RORA: variants seen among roughly 807,000 people sequenced by gnomAD.
RORA encodes RAR related orphan receptor A, also known as nuclear receptor ROR-alpha.
In RORA, 7 loss-of-function variants were observed where a neutral mutation model predicts 69.5. The observed-to-expected ratio is 0.10, with a 90% CI of 0.06 to 0.19. RORA has a LOEUF of 0.19. RORA is among the 10% of genes least tolerant of loss of function. The pLI, the probability that RORA is intolerant of heterozygous loss-of-function variation, is 1.00. For missense variants in RORA, 457 were observed against 663.0 expected, an observed-to-expected ratio of 0.69 and a Z score of 3.41; for synonymous variants, 261 against 240.8, an observed-to-expected ratio of 1.08 and a Z score of -0.78.
intron 2 of RORA, among the ~76,000 whole-genome samples, chr15:60,582,329 T>C (rs1299120290): frequency 6.6e-6 from 1 of 152,216 alleles, no homozygotes; most frequent in Admixed American, 6.5e-5. Context: ...GGCATTTGTT[T>C]GCCTCTCCCA....
At chr15:60,602,146 C>A (rs888329221) in intron 2 of RORA, among the ~76,000 whole-genome samples, 1 of 152,026 alleles carries the variant, frequency 6.6e-6, no homozygotes, top group Non-Finnish European at 1.5e-5. Flanking sequence ...CATCTTTGCT[C>A]CTTGAAATAT....
intron 1 of RORA, among the ~76,000 whole-genome samples, chr15:60,683,647 TACACACAC>T (rs59854874): frequency 6.7e-6 from 1 of 148,622 alleles, no homozygotes; most frequent in African/African-American, 2.5e-5. Context: ...CAGATACACA[TACACACAC>T]ACACACACAC....
At chr15:60,791,667 C>T (rs7176517) in intron 1 of RORA, among the ~76,000 whole-genome samples, 23,099 of 152,182 alleles carry the variant, frequency 0.15, 2,192 homozygotes, top group East Asian at 0.47. Flanking sequence ...CCTCGGCTGG[C>T]TGCAAAAATA....
At chr15:60,512,655 G>C (rs2065740540) in intron 4 of RORA, among the ~76,000 whole-genome samples, 1 of 152,144 alleles carries the variant, frequency 6.6e-6, no homozygotes, top group Admixed American at 6.5e-5. Flanking sequence ...ATCAGGATTT[G>C]GAAAGGACAA....
At chr15:60,509,800 A>AC (rs2065635061) in intron 5 of RORA, among the ~76,000 whole-genome samples, 1 of 151,514 alleles carries the variant, frequency 6.6e-6, no homozygotes, top group Non-Finnish European at 1.5e-5. Context: ...CAAGAAAAAA[A>AC]AAAAAAAATC....
At chr15:61,101,228 C>G (rs2078874123) in intron 1 of RORA, among the ~76,000 whole-genome samples, 1 of 152,132 alleles carries the variant, frequency 6.6e-6, no homozygotes, top group African/African-American at 2.4e-5. Context: ...CATGGCCCCT[C>G]CTCTTAGGGT....
intron 1 of RORA, among the ~76,000 whole-genome samples, chr15:61,161,612 T>C (rs912791497): frequency 1.4e-4 from 21 of 152,110 alleles, no homozygotes; most frequent in Admixed American, 1.1e-3. Flanking sequence ...TGTTCTTATC[T>C]CCACTACTGG....
At chr15:60,505,942 A>G (rs2065486663) in intron 5 of RORA, among the ~76,000 whole-genome samples, 1 of 152,228 alleles carries the variant, frequency 6.6e-6, no homozygotes, top group Non-Finnish European at 1.5e-5. Context: ...GACATAGGAA[A>G]TGATTGACGT....
At position 60,794,180 on chromosome 15, in the gene RORA, A is replaced by G. The variant is rs112236904; in HGVS notation, c.167-115494T>C. On this transcript the variant is annotated intron_variant, in intron 1 of 10. Coordinates refer to ENST00000335670, the MANE Select transcript of RORA (RefSeq NM_134261.3). ...AAATGCCACATTCATATAATTATTT[A>G]CAAATACTGGCATAAATGAAATAAA... Among the ~76,000 whole-genome samples, 39 of 152,322 alleles carry G rather than the reference A, an allele frequency of 2.6e-4. 1 individual carries two copies. Among genetic ancestry groups the G allele is most frequent in the African/African-American group, 8.9e-4 (37 of 41,568 alleles).
At chr15:60,846,855 CT>C (rs1414855725) in intron 1 of RORA, among the ~76,000 whole-genome samples, 1 of 152,188 alleles carries the variant, frequency 6.6e-6, no homozygotes, top group African/African-American at 2.4e-5. Context: ...TTCTCACATA[CT>C]AGACTTTATG....
intron 1 of RORA, among the ~76,000 whole-genome samples, chr15:60,743,975 A>C (rs2071613290): frequency 6.6e-6 from 1 of 152,108 alleles, no homozygotes; most frequent in Admixed American, 6.5e-5. Flanking sequence ...CATTGGAGAA[A>C]CCAGACTCAC....
intron 1 of RORA, among the ~76,000 whole-genome samples, chr15:61,098,038 TTTCC>T (rs149088546): frequency 0.011 from 1,681 of 151,752 alleles, 26 homozygotes; most frequent in African/African-American, 0.033. Flanking sequence ...TCCTTCCATC[TTTCC>T]TTCCTTCCTT....
At chr15:60,931,922 C>T (rs1222962558) in intron 1 of RORA, among the ~76,000 whole-genome samples, 1 of 152,130 alleles carries the variant, frequency 6.6e-6, no homozygotes, top group African/African-American at 2.4e-5. Context: ...CTCAACTTGG[C>T]ACTGCAGCTA....
intron 1 of RORA, among the ~76,000 whole-genome samples, chr15:61,177,549 T>C (rs1283842526): frequency 6.6e-6 from 1 of 152,124 alleles, no homozygotes; most frequent in Non-Finnish European, 1.5e-5. Flanking sequence ...ATCACATAAC[T>C]GTTCGTGCGT....
At chr15:60,553,863 T>G (rs1308384153) in intron 2 of RORA, among the ~76,000 whole-genome samples, 2 of 152,184 alleles carry the variant, frequency 1.3e-5, no homozygotes, top group Admixed American at 6.5e-5. Flanking sequence ...CAAACCATTT[T>G]CCTTTATCTT....
chr15:60,778,813 G>T (rs941207697), intron 1 of RORA, among the ~76,000 whole-genome samples: 3 of 151,998 alleles, frequency 2.0e-5, no homozygotes, highest in Admixed American at 2.0e-4. Context: ...AGTGTCTACT[G>T]GTTAAAGGGT....
At chr15:60,700,028 C>T (rs909630835) in intron 1 of RORA, among the ~76,000 whole-genome samples, 10 of 152,080 alleles carry the variant, frequency 6.6e-5, no homozygotes, top group Non-Finnish European at 1.3e-4. Flanking sequence ...CCAGGGAGGT[C>T]AGAGAGACAG....
At chr15:60,820,643 G>T (rs1398443167) in intron 1 of RORA, among the ~76,000 whole-genome samples, 1 of 152,068 alleles carries the variant, frequency 6.6e-6, no homozygotes, top group Non-Finnish European at 1.5e-5. Context: ...CAGAGGGGTG[G>T]GGGTGGAGGT....
At chr15:60,595,497 A>T (rs1430439535) in intron 2 of RORA, among the ~76,000 whole-genome samples, 1 of 152,124 alleles carries the variant, frequency 6.6e-6, no homozygotes, top group African/African-American at 2.4e-5. Context: ...CCTGGGCGAC[A>T]GAGCAATAAT....
Sources: allele counts gnomAD v4.1 joint callset (sites outside exome capture counted in the v4.1 genomes callset), GRCh38; gene constraint gnomAD v4.1.1; transcripts MANE v1.5; gene names NCBI Gene and HGNC (gene_info 2026-07-23, HGNC 2026-07-21).